The following ANK2 variants were observed in gnomAD, a reference collection of about 807,000 sequenced individuals.
ANK2 encodes the protein ankyrin 2, also known as ankyrin-2.
A neutral mutation model predicts 360.5 loss-of-function variants in ANK2; 83 were observed. That is an observed-to-expected ratio of 0.23 (90% confidence interval 0.19 to 0.28). ANK2 has a LOEUF of 0.28. ANK2 is among the 10% of genes least tolerant of loss of function. The pLI, the probability that ANK2 is intolerant of heterozygous loss-of-function variation, is 1.00. For synonymous variants in ANK2, 1,740 were observed against 1,759.5 expected (o/e 0.99, Z 0.28); for missense variants, 4,201 against 4,795.7 (o/e 0.88, Z 3.66).
At chr4:113,021,541 C>CACACACACACACACACACATATATATAT (rs1489947974) in intron 2 of ANK2, among the ~76,000 whole-genome samples, 3 of 95,572 alleles carry the variant, frequency 3.1e-5, no homozygotes, top group Non-Finnish European at 6.8e-5. Context: ...CACACACAAA[C>CACACACACACACACACACATATATATAT]ATATATATAT....
intron 29 of ANK2, 126 bp from the exon 30 acceptor site, chr4:113,335,720 T>A: frequency 1.0e-6 from 1 of 997,300 alleles, no homozygotes; most frequent in Admixed American, 2.0e-5. Context: ...AATTGTCCTG[T>A]TGTTTCAAAA....
chr4:112,857,380 A>C (rs1028154125), intron 1 of ANK2, among the ~76,000 whole-genome samples: 1 of 152,224 alleles, frequency 6.6e-6, no homozygotes, highest in African/African-American at 2.4e-5. Context: ...AAGGTTGTTT[A>C]CCTTCAGAGT....
At position 113,242,150 on chromosome 4, in the gene ANK2, A is replaced by C; in HGVS notation, c.832A>C (p.Asn278His). 1 of 1,614,052 alleles carries C rather than the reference A, an allele frequency of 6.2e-7. No homozygotes were observed. Among genetic ancestry groups the C allele is most frequent in the Non-Finnish European group, 8.5e-7 (1 of 1,179,948 alleles). Residue 278 changes from asparagine (N) to histidine (H), a missense_variant, in exon 9 of 46, where the codon AAT becomes CAT. This residue lies in a region of ANK2 where 122 missense variants were observed against 239.3 expected (regional missense o/e 0.51). Transcript: ENST00000357077. ...TPLHVASKRGNTNMVKLLLDR... is the reference protein window; with the variant it reads ...TPLHVASKRGHTNMVKLLLDR... ...TCTGCATGTGGCTTCCAAAAGAGGA[A>C]ATACAAACATGGTGAAGCTCTTACT...
chr4:113,330,203 C>G (rs767148246), intron 26 of ANK2, 43 bp from the exon 27 acceptor site: 11 of 1,564,588 alleles, frequency 7.0e-6, no homozygotes, highest in Non-Finnish European at 9.6e-6. Context: ...TCATCTGCCC[C>G]CAATATTTCA....
intron 2 of ANK2, among the ~76,000 whole-genome samples, chr4:112,916,880 C>T (rs915622828): frequency 6.6e-6 from 1 of 152,072 alleles, no homozygotes; most frequent in Non-Finnish European, 1.5e-5. Flanking sequence ...GTGATAGATA[C>T]TTCAGTGGCA....
At chr4:112,916,526 A>C (rs544271534) in intron 2 of ANK2, among the ~76,000 whole-genome samples, 1 of 152,360 alleles carries the variant, frequency 6.6e-6, no homozygotes, top group African/African-American at 2.4e-5. Flanking sequence ...TTACATATTT[A>C]AGTATTTCAA....
At chr4:113,278,346 C>A in intron 16 of ANK2, 114 bp from the exon 17 acceptor site, 1 of 849,466 alleles carries the variant, frequency 1.2e-6, no homozygotes, top group Non-Finnish European at 2.0e-6. Flanking sequence ...TTTCTATTGA[C>A]TATATTAATT....
At chr4:112,988,292 A>G (rs2045627303) in intron 2 of ANK2, among the ~76,000 whole-genome samples, 1 of 152,218 alleles carries the variant, frequency 6.6e-6, no homozygotes, top group Admixed American at 6.5e-5. Flanking sequence ...AGTATACTCG[A>G]TGGACTTTGT....
chr4:112,961,636 A>T (rs1045807787), intron 2 of ANK2, among the ~76,000 whole-genome samples: 2 of 152,176 alleles, frequency 1.3e-5, no homozygotes, highest in African/African-American at 2.4e-5. Flanking sequence ...ACAGAATAAA[A>T]GCATGCTACA....
chr4:113,246,462 A>G (rs2042933181), intron 9 of ANK2, among the ~76,000 whole-genome samples: 1 of 152,170 alleles, frequency 6.6e-6, no homozygotes, highest in Non-Finnish European at 1.5e-5. Context: ...TATCTGAAAG[A>G]CCTCATTTCA....
At chr4:113,332,652 A>T (rs1407286168) in intron 28 of ANK2, among the ~76,000 whole-genome samples, 3 of 152,240 alleles carry the variant, frequency 2.0e-5, no homozygotes, top group African/African-American at 7.2e-5. Flanking sequence ...ACATCAAATT[A>T]TGCAATGTGT....
the ANK2 span, chr4:112,797,098 C>T: frequency 9.8e-5 from 20 of 204,570 alleles, no homozygotes; most frequent in East Asian, 8.9e-4. Context: ...CTGATCCCAA[C>T]GAATTAAATG....
At chr4:113,300,087 TTATAA>T (rs1287557470) in intron 22 of ANK2, among the ~76,000 whole-genome samples, 2 of 148,764 alleles carry the variant, frequency 1.3e-5, no homozygotes, top group African/African-American at 2.4e-5. Context: ...AAATTGTATA[TTATAA>T]TAGTCTTTTT....
chr4:112,935,463 A>G (rs1272137153), intron 2 of ANK2, among the ~76,000 whole-genome samples: 2 of 152,160 alleles, frequency 1.3e-5, no homozygotes, highest in African/African-American at 4.8e-5. Context: ...CTTTGAGATC[A>G]TCTGTCTGGT....
the ANK2 span, among the ~76,000 whole-genome samples, chr4:112,771,409 C>T: frequency 6.6e-6 from 1 of 152,138 alleles, no homozygotes; most frequent in African/African-American, 2.4e-5. Context: ...TGAGCCACCA[C>T]ACCCGGCCAC....
At chr4:112,813,246 A>AAAT (rs1284051917), upstream of ANK2, among the ~76,000 whole-genome samples, 17 of 151,184 alleles carry the variant, frequency 1.1e-4, no homozygotes, top group African/African-American at 3.7e-4. Flanking sequence ...TAAAAAAAAA[A>AAAT]AAAAAATCAA....
intron 1 of ANK2, among the ~76,000 whole-genome samples, chr4:113,123,933 T>G (rs928095088): frequency 4.6e-5 from 7 of 152,178 alleles, no homozygotes; most frequent in African/African-American, 1.7e-4. Context: ...TTAATAAGAC[T>G]AATTGGTTTA....
intron 1 of ANK2, among the ~76,000 whole-genome samples, chr4:112,820,694 C>G (rs2056753426): frequency 6.6e-6 from 1 of 152,136 alleles, no homozygotes; most frequent in Non-Finnish European, 1.5e-5. Context: ...CTTAGCCTCC[C>G]AAGTAGCTGG....
At chr4:113,087,587 CT>C (rs1338879016) in intron 1 of ANK2, among the ~76,000 whole-genome samples, 1 of 151,988 alleles carries the variant, frequency 6.6e-6, no homozygotes, top group Non-Finnish European at 1.5e-5. Flanking sequence ...ACAAAGATGG[CT>C]TAATCATTTT....
Sources: allele counts gnomAD v4.1 joint callset (sites outside exome capture counted in the v4.1 genomes callset), GRCh38; gene constraint gnomAD v4.1.1; regional missense constraint gnomAD v4.1.1; transcripts MANE v1.5; gene names NCBI Gene and HGNC (gene_info 2026-07-23, HGNC 2026-07-21).